The following ABCA12 variants were observed in gnomAD, a reference collection of about 807,000 sequenced individuals.
The protein encoded by ABCA12 is glucosylceramide transporter ABCA12.
A neutral mutation model predicts 293.5 loss-of-function variants in ABCA12; 156 were observed. That is an observed-to-expected ratio of 0.53 (90% CI 0.47 to 0.61). ABCA12 has a LOEUF of 0.61. Ranked by LOEUF, ABCA12 falls within the 20% of genes least tolerant of loss-of-function variation. The pLI is 0.00. For synonymous variants in ABCA12, 1,063 were observed against 1,108.0 expected (o/e 0.96, Z 0.81); for missense variants, 2,797 against 3,090.2 (o/e 0.91, Z 2.25).
intron 45 of ABCA12, among the ~76,000 whole-genome samples, 173 bp downstream of exon 45, chr2:214,950,706 T>C (rs1698739073): frequency 6.6e-6 from 1 of 152,006 alleles, no homozygotes; most frequent in Non-Finnish European, 1.5e-5. Context: ...GGTTTCACCA[T>C]GTTGGCCAGG....
chr2:215,003,480 G>A (rs1057477730), intron 20 of ABCA12, among the ~76,000 whole-genome samples: 2 of 151,800 alleles, frequency 1.3e-5, no homozygotes, highest in Non-Finnish European at 2.9e-5. Context: ...TTCTGGGTTA[G>A]TCAAGTGATA....
At chr2:215,107,763 G>A (rs1429332162) in intron 2 of ABCA12, among the ~76,000 whole-genome samples, 1 of 152,144 alleles carries the variant, frequency 6.6e-6, no homozygotes, top group Admixed American at 6.5e-5. Flanking sequence ...TGACTCTTCT[G>A]GGAGCAGAAT....
chr2:214,969,528 C>A (rs1699339828), intron 37 of ABCA12, among the ~76,000 whole-genome samples: 1 of 151,980 alleles, frequency 6.6e-6, no homozygotes, highest in African/African-American at 2.4e-5. Flanking sequence ...GTATGTAATT[C>A]ACTTTTTTCA....
chr2:214,973,338 AT>A (rs146564366), intron 36 of ABCA12, among the ~76,000 whole-genome samples: 79 of 152,356 alleles, frequency 5.2e-4, no homozygotes, highest in African/African-American at 1.8e-3. Flanking sequence ...TATAGTAACT[AT>A]TAGAAACTAA....
At chr2:215,039,691 C>T (rs543230085) in intron 7 of ABCA12, among the ~76,000 whole-genome samples, 2 of 151,968 alleles carry the variant, frequency 1.3e-5, no homozygotes, top group Admixed American at 1.3e-4. Flanking sequence ...GAAGGTGGAG[C>T]TTGCAGTGAG....
At position 214,984,347 on chromosome 2, in the gene ABCA12, T is replaced by G. The variant is rs1394170051; in HGVS notation, c.4164-482A>C. Among the ~76,000 whole-genome samples, 4 of 152,204 alleles carry G rather than the reference T, an allele frequency of 2.6e-5. No homozygotes were observed. The East Asian group carries it at 7.7e-4, about 29-fold the overall frequency. Reference sequence around the variant, plus strand: ...TCCTGACCTCGTGATCCACACGCCTTGGCCTCCCAAAGTGCTGGGATTACA... The same window carrying G: ...TCCTGACCTCGTGATCCACACGCCTGGGCCTCCCAAAGTGCTGGGATTACA... On this transcript the variant is annotated intron_variant, in intron 28 of 52. Transcript: ENST00000272895.
intron 5 of ABCA12, among the ~76,000 whole-genome samples, chr2:215,050,502 G>A (rs190438250): frequency 4.0e-4 from 61 of 152,130 alleles, no homozygotes; most frequent in Middle Eastern, 3.4e-3. Flanking sequence ...TACCCATAAT[G>A]TTGATCATAT....
chr2:215,113,784 A>C (rs1702625480), intron 1 of ABCA12, among the ~76,000 whole-genome samples: 1 of 152,238 alleles, frequency 6.6e-6, no homozygotes, highest in Non-Finnish European at 1.5e-5. Flanking sequence ...GCAATGAACC[A>C]CAGTGTTATT....
intron 38 of ABCA12, 74 bp downstream of exon 38, chr2:214,968,646 T>A (rs980703085): frequency 1.6e-5 from 24 of 1,463,400 alleles, no homozygotes; most frequent in Non-Finnish European, 2.3e-5. Flanking sequence ...TGTTTTCACT[T>A]CATGAAAATG....
intron 2 of ABCA12, among the ~76,000 whole-genome samples, chr2:215,071,555 A>C (rs1333093802): frequency 6.6e-6 from 1 of 152,192 alleles, no homozygotes; most frequent in African/African-American, 2.4e-5. Context: ...AAACAGGTAC[A>C]CTTCTAGTTT....
chr2:215,109,837 T>A (rs2106125954), intron 2 of ABCA12, among the ~76,000 whole-genome samples: 1 of 152,302 alleles, frequency 6.6e-6, no homozygotes, highest in East Asian at 1.9e-4. Flanking sequence ...TTTATGTAAC[T>A]GAAAAGTCCT....
chr2:214,950,525 G>A (rs1292703909), intron 45 of ABCA12, among the ~76,000 whole-genome samples: 1 of 50,510 alleles, frequency 2.0e-5, no homozygotes, highest in African/African-American at 6.9e-5. Flanking sequence ...TTTTTTTTTT[G>A]AGGCAGAATC....
intron 51 of ABCA12, among the ~76,000 whole-genome samples, chr2:214,935,240 C>T (rs1698182828): frequency 6.6e-6 from 1 of 152,108 alleles, no homozygotes; most frequent in Non-Finnish European, 1.5e-5. Flanking sequence ...ATCTAGAAAC[C>T]ACCACAAATT....
At chr2:215,059,377 T>C (rs945587505) in intron 3 of ABCA12, among the ~76,000 whole-genome samples, 13 of 152,036 alleles carry the variant, frequency 8.6e-5, no homozygotes, top group Non-Finnish European at 1.5e-4. Flanking sequence ...ATTTTAATTG[T>C]TTTAATTATT....
At chr2:214,998,614 T>C (rs1178625868) in intron 22 of ABCA12, among the ~76,000 whole-genome samples, 3 of 152,230 alleles carry the variant, frequency 2.0e-5, no homozygotes, top group African/African-American at 7.2e-5. Flanking sequence ...TATTCCTCAA[T>C]GTCCTGCTCA....
At chr2:214,987,913 T>A (rs1699822776) in intron 26 of ABCA12, 120 bp from the exon 27 acceptor site, 8 of 1,303,274 alleles carry the variant, frequency 6.1e-6, no homozygotes, top group African/African-American at 1.5e-5. Context: ...TGACACTATA[T>A]AAAACTAAAA....
At chr2:214,980,374 G>T in intron 31 of ABCA12, 109 bp downstream of exon 31, 1 of 1,427,710 alleles carries the variant, frequency 7.0e-7, no homozygotes, top group South Asian at 1.2e-5. Flanking sequence ...CAGTAAGCTA[G>T]TATACTAATG....
At position 215,018,058 on chromosome 2, in the gene ABCA12, T is replaced by C. The variant is rs1458044435; in HGVS notation, c.1732A>G (p.Arg578Gly). 1.9e-6 allele frequency: 3 copies of C among 1,614,068 alleles called. No individual in the cohort carries two copies. In the Admixed American group the frequency reaches 5.0e-5, roughly 27 times the overall value. The stretch of plus-strand genomic sequence containing the variant: ...ATGGCCAGCAACTTGTCAATAGTCC[T>C]GTTGGACATTCCTGTTGTTCTCCTT... ...DLRRTTGMSN[R>G]TIDKLLAIPI... Residue 578 changes from arginine to glycine, a missense_variant, in exon 14 of 53, where the codon AGG becomes GGG. Coordinates refer to ENST00000272895, the MANE Select transcript of ABCA12 (RefSeq NM_173076.3).
At chr2:215,077,010 G>A (rs1028819398) in intron 2 of ABCA12, among the ~76,000 whole-genome samples, 1 of 152,134 alleles carries the variant, frequency 6.6e-6, no homozygotes, top group Non-Finnish European at 1.5e-5. Context: ...CTGAATTAGT[G>A]ATAATTATTT....
Sources: gnomAD v4.1 joint callset for allele counts (sites outside exome capture counted in the v4.1 genomes callset) on GRCh38, gnomAD v4.1.1 for gene constraint, MANE v1.5 for transcripts, NCBI Gene and HGNC (gene_info 2026-07-23, HGNC 2026-07-21) for gene names.